The following KCNK10 variants were observed in gnomAD, a reference collection of about 807,000 sequenced individuals.
KCNK10 encodes the protein potassium two pore domain channel subfamily K member 10.
In KCNK10, 25 loss-of-function variants were observed where a neutral mutation model predicts 47.7. The observed-to-expected ratio is 0.52, with a 90% CI of 0.38 to 0.73. The LOEUF (loss-of-function observed/expected upper bound fraction) is 0.73. Ranked by LOEUF, KCNK10 falls within the 30% of genes least tolerant of loss-of-function variation. The pLI is 0.00. For missense variants in KCNK10, 563 were observed against 714.5 expected (o/e 0.79, Z 2.42); for synonymous variants, 303 against 285.6 (o/e 1.06, Z -0.61).
In KCNK10 at chr14:88,210,685, G is replaced by A. The variant is rs1885426025; in HGVS notation, c.681+16690C>T. 2.6e-5 allele frequency among the ~76,000 whole-genome samples: 4 copies of A among 152,160 alleles called. No individual in the cohort carries two copies. The South Asian group carries it at 8.3e-4, about 32-fold the overall frequency. On this transcript the variant is annotated intron_variant, in intron 4 of 6. Transcript: ENST00000319231. Reference sequence around the variant, plus strand: ...GGGCAGGGAGGGAGACAGGGAAGGTGCAAGAGGGAAGCAAGGCTAACGGCA... The same window carrying A: ...GGGCAGGGAGGGAGACAGGGAAGGTACAAGAGGGAAGCAAGGCTAACGGCA...
chr14:88,296,491 ACACACCGAGC>A (rs67503259), intron 1 of KCNK10, among the ~76,000 whole-genome samples: 22,512 of 152,136 alleles, frequency 0.15, 2,186 homozygotes, highest in East Asian at 0.44. Context: ...CATTAGGTAT[ACACACCGAGC>A]CTAATCTCTC....
At chr14:88,245,639 G>A (rs371125327) in intron 2 of KCNK10, among the ~76,000 whole-genome samples, 1 of 150,762 alleles carries the variant, frequency 6.6e-6, no homozygotes, top group African/African-American at 2.5e-5. Context: ...CTGTGCACTC[G>A]GTGAGATCAT....
At chr14:88,248,822 G>T (rs988927346) in intron 2 of KCNK10, among the ~76,000 whole-genome samples, 4 of 152,126 alleles carry the variant, frequency 2.6e-5, no homozygotes, top group African/African-American at 9.7e-5. Flanking sequence ...TTGATAAGGG[G>T]AGAAACAAGG....
chr14:88,199,044 C>T (rs754077243), intron 4 of KCNK10, among the ~76,000 whole-genome samples: 5 of 152,004 alleles, frequency 3.3e-5, no homozygotes, highest in South Asian at 2.1e-4. Flanking sequence ...CTCAGCCTCC[C>T]GAGTAGCTGA....
intron 2 of KCNK10, among the ~76,000 whole-genome samples, chr14:88,259,889 C>G (rs1887060954): frequency 6.6e-6 from 1 of 152,178 alleles, no homozygotes; most frequent in East Asian, 1.9e-4. Flanking sequence ...AGATTTCCCT[C>G]TTGCTGTTCT....
At position 88,185,659 on chromosome 14, in the gene KCNK10, T is replaced by A. The variant is rs760513705; in HGVS notation, c.1508A>T (p.Asn503Ile). 3 of 1,613,908 alleles carry A rather than the reference T, an allele frequency of 1.9e-6. No homozygotes were observed. In the African/African-American group the frequency reaches 4.0e-5, roughly 22 times the overall value. Residue 503 changes from asparagine (N) to isoleucine (I), a missense_variant, in exon 7 of 7, where the codon AAC becomes ATC. By Grantham distance (149) the Asn-to-Ile change is moderately radical (BLOSUM62 -3). Coordinates refer to ENST00000319231, the MANE Select transcript of KCNK10 (RefSeq NM_138317.3). This position sits in a 1 kb window ranked among gnomAD's most constrained non-coding sequence, Gnocchi z 4.3. ...EETEKMCNSD[N>I]SSTAMLTDCI... ...GTCCGTCAGCATGGCTGTGCTGGAGTTGTCTGAGTTACACATCTTTTCCGT... is the reference window on the plus strand; with the variant it reads ...GTCCGTCAGCATGGCTGTGCTGGAGATGTCTGAGTTACACATCTTTTCCGT...
At chr14:88,250,169 T>C (rs544472823) in intron 2 of KCNK10, among the ~76,000 whole-genome samples, 1 of 152,308 alleles carries the variant, frequency 6.6e-6, no homozygotes, top group African/African-American at 2.4e-5. Context: ...TCCAGTGGCA[T>C]GCCAATTTCC....
Position 88,323,085 on chromosome 14 carries a change from G to C in KCNK10, c.-287C>G. 1 of 1,257,024 alleles carries C rather than the reference G, an allele frequency of 8.0e-7. No individual in the cohort carries two copies. The highest frequency in any genetic ancestry group is 1.7e-5 in the South Asian group (1 of 58,288). 77.9% of individuals were successfully genotyped at this position (1,257,024 alleles called of 1,614,324 possible). A position where few individuals can be genotyped will look rare whatever the true frequency, so the allele number is the denominator to read the frequency against. On this transcript the variant is annotated 5_prime_UTR_variant, in exon 1 of 7. Transcript: ENST00000319231. ...GAGGGGTGGATGAAAGGATGGAGAGGAAGGCTTGGGGAGATGGAAGAGCCA... is the reference window on the plus strand; with the variant it reads ...GAGGGGTGGATGAAAGGATGGAGAGCAAGGCTTGGGGAGATGGAAGAGCCA...
At chr14:88,192,074 G>A (rs573176977) in intron 5 of KCNK10, 150 bp downstream of exon 5, 9 of 692,424 alleles carry the variant, frequency 1.3e-5, no homozygotes, top group South Asian at 8.8e-5. Context: ...TAGGACTAGG[G>A]ATTTGAAATG....
At chr14:88,315,586 G>T (rs1314667849) in intron 1 of KCNK10, among the ~76,000 whole-genome samples, 2 of 152,010 alleles carry the variant, frequency 1.3e-5, no homozygotes, top group Non-Finnish European at 2.9e-5. Flanking sequence ...TGATTATTTA[G>T]GGGATCTCGA....
intron 3 of KCNK10, among the ~76,000 whole-genome samples, chr14:88,230,447 A>G (rs547853426): frequency 1.3e-5 from 2 of 152,310 alleles, no homozygotes; most frequent in Non-Finnish European, 2.9e-5. Context: ...TTTTTCAGGA[A>G]GAGAAAGCTG....
At chr14:88,298,981 C>T (rs1049246808) in intron 1 of KCNK10, among the ~76,000 whole-genome samples, 1 of 152,078 alleles carries the variant, frequency 6.6e-6, no homozygotes, top group Non-Finnish European at 1.5e-5. Flanking sequence ...TTGTATGATC[C>T]CATCTTTTAA....
chr14:88,195,848 G>A (rs1232642635), intron 4 of KCNK10, among the ~76,000 whole-genome samples: 1 of 152,158 alleles, frequency 6.6e-6, no homozygotes, highest in Non-Finnish European at 1.5e-5. Flanking sequence ...CTGCCTCCCT[G>A]CCACATCCCC....
chr14:88,267,576 TG>T (rs1396013401), intron 1 of KCNK10, among the ~76,000 whole-genome samples: 1 of 152,134 alleles, frequency 6.6e-6, no homozygotes, highest in Non-Finnish European at 1.5e-5. Context: ...TTCACCATGC[TG>T]GCCAGGCTGA....
chr14:88,312,935 T>C (rs1470873588), intron 1 of KCNK10, among the ~76,000 whole-genome samples: 1 of 152,138 alleles, frequency 6.6e-6, no homozygotes, highest in Non-Finnish European at 1.5e-5. Flanking sequence ...AATGAAAGGG[T>C]AAAAATGGAG....
rs569701104 is a variant in KCNK10, at chr14:88,322,103, A to G, written c.52+644T>C. On this transcript the variant is annotated intron_variant, in intron 1 of 6. Coordinates refer to ENST00000319231, the MANE Select transcript of KCNK10 (RefSeq NM_138317.3). The surrounding 1 kb of genome is among the most constrained non-coding windows in gnomAD (Gnocchi z 4.8). ...CGGGCACACTTCGTGCCCCTCCCCT[A>G]TGCCTTGCCAGCCCCACCCTTCTCA... Among the ~76,000 whole-genome samples, 1 of 152,174 alleles carries G rather than the reference A, an allele frequency of 6.6e-6. No homozygotes were observed. Among genetic ancestry groups the G allele is most frequent in the Non-Finnish European group, 1.5e-5 (1 of 68,008 alleles).
At chr14:88,247,280 C>T (rs1595103358) in intron 2 of KCNK10, among the ~76,000 whole-genome samples, 3 of 152,298 alleles carry the variant, frequency 2.0e-5, no homozygotes, top group African/African-American at 4.8e-5. Context: ...TGCAGGCTGA[C>T]GCACGTGTGC....
chr14:88,256,132 G>T (rs1462823540), intron 2 of KCNK10, among the ~76,000 whole-genome samples: 1 of 152,188 alleles, frequency 6.6e-6, no homozygotes, highest in African/African-American at 2.4e-5. Context: ...GGGTTAAGCG[G>T]CTTGCCCTAG....
At position 88,322,805 on chromosome 14, in the gene KCNK10, G is replaced by T. The variant is rs531109718; in HGVS notation, c.-7C>A. 1 of 1,614,010 alleles carries T rather than the reference G, an allele frequency of 6.2e-7. No homozygotes were observed. Among genetic ancestry groups the T allele is most frequent in the Admixed American group, 1.7e-5 (1 of 60,012 alleles). ...TCTCGATTGGAAATTTCATTGCTTC[G>T]TTGCCCAGAAGGGGAAGAAATGAAA... On this transcript the variant is annotated 5_prime_UTR_variant, in exon 1 of 7. Transcript: ENST00000319231. This position sits in a 1 kb window ranked among gnomAD's most constrained non-coding sequence, Gnocchi z 4.8.
Sources: allele counts gnomAD v4.1 joint callset (sites outside exome capture counted in the v4.1 genomes callset), GRCh38; gene constraint gnomAD v4.1.1; non-coding constraint Gnocchi (gnomAD v3.1); transcripts MANE v1.5; gene names NCBI Gene and HGNC (gene_info 2026-07-23, HGNC 2026-07-21).